The following TCF12 variants were observed in gnomAD, a reference collection of about 807,000 sequenced individuals.
TCF12 encodes DNA-binding protein HTF4.
Under a neutral mutation model 86.0 loss-of-function variants are expected in TCF12, and 45 were observed. The ratio of observed to expected loss-of-function variants is 0.52; its 90% CI spans 0.41 to 0.67. The LOEUF is 0.67. TCF12 is among the 30% of genes least tolerant of loss of function. The pLI is 0.00. For missense variants in TCF12, 881 were observed against 859.9 expected (o/e 1.02, Z -0.31); for synonymous variants, 330 against 299.6 (o/e 1.10, Z -1.05).
chr15:57,236,269 C>T (rs2059377085), intron 12 of TCF12, among the ~76,000 whole-genome samples: 1 of 152,142 alleles, frequency 6.6e-6, no homozygotes, highest in African/African-American at 2.4e-5. Context: ...TCCTTACAGA[C>T]TCGCATTCAC....
intron 4 of TCF12, among the ~76,000 whole-genome samples, chr15:57,086,212 G>GATGATAATAATA (rs1555501430): frequency 4.0e-4 from 56 of 141,614 alleles, no homozygotes; most frequent in South Asian, 1.8e-3. Context: ...GGATGATGAT[G>GATGATAATAATA]ATAATAATAA....
At chr15:56,945,745 C>T (rs1172389087) in intron 3 of TCF12, among the ~76,000 whole-genome samples, 1 of 152,020 alleles carries the variant, frequency 6.6e-6, no homozygotes, top group Non-Finnish European at 1.5e-5. Context: ...ATTTAATTGC[C>T]ATTGTAATGG....
At chr15:57,171,830 C>T (rs2055525678) in intron 6 of TCF12, among the ~76,000 whole-genome samples, 1 of 152,140 alleles carries the variant, frequency 6.6e-6, no homozygotes, top group Admixed American at 6.6e-5. Context: ...AGGTATATCA[C>T]TTTAAAAACT....
intron 14 of TCF12, 73 bp downstream of exon 14, chr15:57,251,496 A>G: frequency 1.4e-6 from 2 of 1,437,686 alleles, no homozygotes; most frequent in Non-Finnish European, 1.9e-6. Flanking sequence ...CTGGCATAAC[A>G]ATAAAGAAAC....
Position 57,181,749 on chromosome 15 carries a change from AT to A in TCF12, c.391-10405del, listed in dbSNP as rs1337081385. Among the ~76,000 whole-genome samples, 6 of 152,188 alleles carry A rather than the reference AT, an allele frequency of 3.9e-5. No homozygotes were observed. In the East Asian group the frequency reaches 7.7e-4, roughly 19 times the overall value. On this transcript the variant is annotated intron_variant, in intron 6 of 20. Coordinates refer to ENST00000333725, the MANE Select transcript of TCF12 (RefSeq NM_207037.2). The stretch of plus-strand genomic sequence containing the variant: ...AGTTCCTTATTTTTAAAAATTGGAA[AT>A]TTTGTTCACAGGCTAGAGGTTTGTC...
chr15:57,132,997 AT>A (rs2052252626), intron 5 of TCF12, among the ~76,000 whole-genome samples: 1 of 152,198 alleles, frequency 6.6e-6, no homozygotes, highest in African/African-American at 2.4e-5. Context: ...AATTTTTTTC[AT>A]GGTCACCTAA....
chr15:57,083,551 GTCT>G (rs1253212865), intron 4 of TCF12, among the ~76,000 whole-genome samples: 3 of 152,068 alleles, frequency 2.0e-5, no homozygotes, highest in South Asian at 2.1e-4. Context: ...TAATTTTCTA[GTCT>G]TCTTTCTATA....
At chr15:57,144,460 A>ATTTAAT (rs1365197927) in intron 5 of TCF12, among the ~76,000 whole-genome samples, 2 of 152,242 alleles carry the variant, frequency 1.3e-5, no homozygotes, top group African/African-American at 4.8e-5. Flanking sequence ...AATGTAAACA[A>ATTTAAT]GTAGCATTTA....
At chr15:57,005,661 T>C (rs992662164) in intron 3 of TCF12, among the ~76,000 whole-genome samples, 2 of 152,122 alleles carry the variant, frequency 1.3e-5, no homozygotes, top group Non-Finnish European at 2.9e-5. Context: ...CTTGGCTTCC[T>C]GGGCTCAAGC....
chr15:57,066,774 A>G (rs138657072), intron 4 of TCF12, among the ~76,000 whole-genome samples: 243 of 152,322 alleles, frequency 1.6e-3, no homozygotes, highest in Admixed American at 1.1e-3. Flanking sequence ...TTTCTTTACA[A>G]TAATATGAAA....
At chr15:57,236,022 T>C (rs1363562870) in intron 12 of TCF12, among the ~76,000 whole-genome samples, 6 of 152,180 alleles carry the variant, frequency 3.9e-5, no homozygotes, top group African/African-American at 1.4e-4. Flanking sequence ...ATGTTTAATC[T>C]AGTTAGTGGG....
chr15:56,927,533 G>A (rs1438120062), intron 3 of TCF12, among the ~76,000 whole-genome samples: 2 of 152,056 alleles, frequency 1.3e-5, no homozygotes, highest in African/African-American at 4.8e-5. Context: ...ATAGTTGCAT[G>A]CTCTTAAATG....
chr15:56,982,204 G>A (rs1197188270), intron 3 of TCF12, among the ~76,000 whole-genome samples: 1 of 152,018 alleles, frequency 6.6e-6, no homozygotes, highest in East Asian at 1.9e-4. Flanking sequence ...AAGCTCTTGG[G>A]GCTTATTTTA....
chr15:57,017,394 G>A (rs994595005), intron 3 of TCF12, among the ~76,000 whole-genome samples: 9 of 152,180 alleles, frequency 5.9e-5, no homozygotes, highest in Non-Finnish European at 1.2e-4. Flanking sequence ...ATGAAGATTT[G>A]TTGTAACATA....
chr15:57,056,036 A>G (rs142065041), intron 3 of TCF12, among the ~76,000 whole-genome samples: 12 of 150,718 alleles, frequency 8.0e-5, no homozygotes, highest in African/African-American at 2.7e-4. Flanking sequence ...ACGTTCACTT[A>G]CTGTTACCCC....
intron 5 of TCF12, among the ~76,000 whole-genome samples, chr15:57,098,655 A>T (rs1353815505): frequency 6.6e-6 from 1 of 152,240 alleles, no homozygotes; most frequent in Non-Finnish European, 1.5e-5. Flanking sequence ...AAGAGATTAC[A>T]TTCAGGCACA....
chr15:57,219,718 T>A, intron 8 of TCF12: 1 of 663,106 alleles, frequency 1.5e-6, no homozygotes, highest in Non-Finnish European at 2.2e-6. Context: ...GATTGTAGAT[T>A]TCTTTTTTTT....
At chr15:56,918,535 G>A (rs561435725), upstream of TCF12, 5 of 291,608 alleles carry the variant, frequency 1.7e-5, no homozygotes, top group Middle Eastern at 1.3e-3. Context: ...CCCAGTCCCC[G>A]ACAGCTCCTC....
At chr15:56,986,362 G>A (rs1355450622) in intron 3 of TCF12, among the ~76,000 whole-genome samples, 1 of 152,084 alleles carries the variant, frequency 6.6e-6, no homozygotes, top group African/African-American at 2.4e-5. Flanking sequence ...TAAATAAAAT[G>A]TAAATGCTAC....
Sources: gnomAD v4.1 joint callset for allele counts (sites outside exome capture counted in the v4.1 genomes callset) on GRCh38, gnomAD v4.1.1 for gene constraint, MANE v1.5 for transcripts, NCBI Gene and HGNC (gene_info 2026-07-23, HGNC 2026-07-21) for gene names.